Variants in CEP170 observed in about 807,000 individuals in gnomAD.
CEP170 encodes centrosomal protein 170, also known as centrosomal protein of 170 kDa.
CEP170 carries 21 observed loss-of-function variants against 151.9 expected under a neutral mutation model. That is an observed-to-expected ratio of 0.14 (90% CI 0.10 to 0.20). The LOEUF (loss-of-function observed/expected upper bound fraction) is 0.20. Ranked by LOEUF, CEP170 falls within the 10% of genes least tolerant of loss-of-function variation. The pLI is 1.00. For synonymous variants in CEP170, 356 were observed against 648.8 expected (o/e 0.55, Z 6.86); for missense variants, 964 against 1,892.9 (o/e 0.51, Z 9.11).
At chr1:243,138,908 C>T (rs976546851) in intron 16 of CEP170, among the ~76,000 whole-genome samples, 1 of 152,154 alleles carries the variant, frequency 6.6e-6, no homozygotes, top group Non-Finnish European at 1.5e-5. Context: ...AGAGCTGCGG[C>T]ACCAACTTAA....
chr1:243,238,687 G>GA (rs943379912), intron 1 of CEP170, among the ~76,000 whole-genome samples: 17 of 152,010 alleles, frequency 1.1e-4, no homozygotes, highest in African/African-American at 3.4e-4. Context: ...ATGTATTAAA[G>GA]AAAAAATCAA....
chr1:243,226,035 C>A (rs570476702), intron 1 of CEP170, among the ~76,000 whole-genome samples: 3 of 110,848 alleles, frequency 2.7e-5, no homozygotes, highest in East Asian at 2.7e-4. Flanking sequence ...GTATATATAT[C>A]TATCTCTAGA....
intron 14 of CEP170, among the ~76,000 whole-genome samples, chr1:243,151,686 T>A (rs535936794): frequency 6.6e-6 from 1 of 152,408 alleles, no homozygotes; most frequent in Non-Finnish European, 1.5e-5. Flanking sequence ...CAAGTGCTGA[T>A]ATAGAAGCTG....
At chr1:243,214,646 C>G (rs568189355) in intron 3 of CEP170, among the ~76,000 whole-genome samples, 50 of 152,114 alleles carry the variant, frequency 3.3e-4, no homozygotes, top group Non-Finnish European at 6.6e-4. Flanking sequence ...AAATAATACA[C>G]TAGAATTAAC....
chr1:243,250,425 A>G (rs1002899886), intron 1 of CEP170, among the ~76,000 whole-genome samples: 1 of 152,244 alleles, frequency 6.6e-6, no homozygotes, highest in African/African-American at 2.4e-5. Context: ...TGGTTTAAAA[A>G]CATCACCTGT....
chr1:243,141,225 T>G (rs571418546), intron 15 of CEP170, among the ~76,000 whole-genome samples: 1 of 151,716 alleles, frequency 6.6e-6, no homozygotes, highest in Non-Finnish European at 1.5e-5. Flanking sequence ...AGAAGCAGAA[T>G]AATCAATACC....
Position 243,193,478 on chromosome 1 carries a change from T to A in CEP170, c.632-1984A>T, listed in dbSNP as rs534634535. On this transcript the variant is annotated intron_variant, in intron 7 of 19. Transcript: ENST00000366542. ...AGAGCCAAATAAAACTGATCCACTATACAGAGAGCTAAATAAAACTGATGT... is the reference window on the plus strand; with the variant it reads ...AGAGCCAAATAAAACTGATCCACTAAACAGAGAGCTAAATAAAACTGATGT... Among the ~76,000 whole-genome samples the A allele has an allele frequency of 2.4e-4, 36 of 151,944 alleles. No individual in the cohort carries two copies. The South Asian group carries it at 6.2e-3, about 26-fold the overall frequency.
At chr1:243,171,315 A>G (rs956412906) in intron 11 of CEP170, among the ~76,000 whole-genome samples, 4 of 152,170 alleles carry the variant, frequency 2.6e-5, no homozygotes, top group African/African-American at 9.7e-5. Context: ...AGTTTTCAGG[A>G]AATAGGCCAT....
chr1:243,235,748 A>C (rs2064190695), intron 1 of CEP170, among the ~76,000 whole-genome samples: 1 of 152,118 alleles, frequency 6.6e-6, no homozygotes. Context: ...CACATATTCT[A>C]TGTCTGAGTT....
At chr1:243,159,809 G>GTGTGT (rs1379710408) in intron 13 of CEP170, among the ~76,000 whole-genome samples, 5 of 146,352 alleles carry the variant, frequency 3.4e-5, no homozygotes, top group Non-Finnish European at 4.6e-5. Context: ...GTGTTTTTGA[G>GTGTGT]ATGGAGTCTC....
Position 243,221,736 on chromosome 1 carries a change from G to A in CEP170, c.183C>T (p.Gly61=). The change falls in exon 3 of 20, where the codon GGC becomes GGT. Residue 61 remains glycine, a synonymous_variant. Coordinates refer to ENST00000366542, the MANE Select transcript of CEP170 (RefSeq NM_014812.3). ...STDEHLVKDL[G]SLNGTFVNDV... is the part of the protein sequence containing the mutation. ...ACCATTGACTTACCCCATTGAGGCT[G>A]CCCAAATCCTTCACTAAATGCTCAT... 1 of 1,611,734 alleles carries A rather than the reference G, an allele frequency of 6.2e-7. No individual in the cohort carries two copies. Among genetic ancestry groups the A allele is most frequent in the Non-Finnish European group, 8.5e-7 (1 of 1,178,956 alleles).
intron 10 of CEP170, among the ~76,000 whole-genome samples, chr1:243,175,834 T>C (rs2059202422): frequency 1.3e-5 from 2 of 152,162 alleles, no homozygotes; most frequent in African/African-American, 2.4e-5. Context: ...TCTCGCTTTG[T>C]CGCCCAGGCC....
chr1:243,150,793 T>C (rs1214050927), intron 14 of CEP170, among the ~76,000 whole-genome samples: 2 of 152,244 alleles, frequency 1.3e-5, no homozygotes, highest in African/African-American at 2.4e-5. Flanking sequence ...ACTGACTATA[T>C]GTCAAGCACT....
In CEP170 at chr1:243,151,834, T is replaced by G. The variant is rs538812015; in HGVS notation, c.3911+4387A>C. On this transcript the variant is annotated intron_variant, in intron 14 of 19. Coordinates refer to ENST00000366542, the MANE Select transcript of CEP170 (RefSeq NM_014812.3). The stretch of plus-strand genomic sequence containing the variant: ...ACTTTCAGAGCCAGAGAGAAGGCAA[T>G]GCCCAGCTTCAAAGCTTCAAAGGAC... Among the ~76,000 whole-genome samples the G allele has an allele frequency of 2.0e-5, 3 of 152,310 alleles. No homozygotes were observed. The East Asian group carries it at 5.8e-4, about 29-fold the overall frequency.
At chr1:243,198,111 A>G (rs1456299500) in intron 7 of CEP170, among the ~76,000 whole-genome samples, 1 of 152,130 alleles carries the variant, frequency 6.6e-6, no homozygotes, top group Non-Finnish European at 1.5e-5. Flanking sequence ...TCCTTGGTTC[A>G]GAGCCAGACT....
chr1:243,230,804 C>T (rs2063678788), intron 1 of CEP170, among the ~76,000 whole-genome samples: 1 of 152,002 alleles, frequency 6.6e-6, no homozygotes, highest in African/African-American at 2.4e-5. Flanking sequence ...ATATAGGTGT[C>T]CCAGAAGGAA....
chr1:243,163,288 C>T (rs1437174478), intron 13 of CEP170: 1 of 152,242 alleles, frequency 6.6e-6, no homozygotes, highest in African/African-American at 2.4e-5. Context: ...TGTCTGCCTA[C>T]TGAAAATAAT....
In CEP170 at chr1:243,147,562, G is replaced by A. The variant is rs549956560; in HGVS notation, c.3912-5099C>T. 2.0e-5 allele frequency among the ~76,000 whole-genome samples: 3 copies of A among 152,150 alleles called. No individual in the cohort carries two copies. The East Asian group carries it at 5.8e-4, about 29-fold the overall frequency. On this transcript the variant is annotated intron_variant, in intron 14 of 19. Coordinates refer to ENST00000366542, the MANE Select transcript of CEP170 (RefSeq NM_014812.3). ...CTTAAACCATGACTTTCAAAATGAG[G>A]TAAAATATTGTATAATGAAATCAAC... is the stretch of plus-strand genomic sequence containing the variant.
intron 10 of CEP170, among the ~76,000 whole-genome samples, chr1:243,176,264 A>C (rs563304638): frequency 7.9e-5 from 12 of 151,900 alleles, no homozygotes; most frequent in Non-Finnish European, 1.8e-4. Flanking sequence ...TGAGACACCT[A>C]ATTTTTATGC....
Sources: allele counts gnomAD v4.1 joint callset (sites outside exome capture counted in the v4.1 genomes callset), GRCh38; gene constraint gnomAD v4.1.1; transcripts MANE v1.5; gene names NCBI Gene and HGNC (gene_info 2026-07-23, HGNC 2026-07-21).